Variants in PDLIM4 observed in about 807,000 individuals in gnomAD.
PDLIM4 encodes PDZ and LIM domain protein 4.
Under a neutral mutation model 31.3 loss-of-function variants are expected in PDLIM4, and 19 were observed. The observed-to-expected ratio is 0.61, with a 90% CI of 0.42 to 0.89. The LOEUF (loss-of-function observed/expected upper bound fraction) is 0.89. Ranked by LOEUF, PDLIM4 falls within the 40% of genes least tolerant of loss-of-function variation. The probability of loss-of-function intolerance (pLI) is 0.00; values close to 1 mark genes in which losing one functional copy is unlikely to be tolerated. For synonymous variants in PDLIM4, 176 were observed against 190.1 expected, an observed-to-expected ratio of 0.93 and a Z score of 0.61; for missense variants, 442 against 461.1, an observed-to-expected ratio of 0.96 and a Z score of 0.38.
intron 3 of PDLIM4, 65 bp downstream of exon 3, chr5:132,266,610 G>C: frequency 9.1e-7 from 1 of 1,093,980 alleles, no homozygotes; most frequent in Non-Finnish European, 1.4e-6. Context: ...GGGCCAGCAT[G>C]CAGGTTCACC....
At chr5:132,258,482 T>G (rs1356605643) in intron 1 of PDLIM4, among the ~76,000 whole-genome samples, 2 of 152,200 alleles carry the variant, frequency 1.3e-5, no homozygotes, top group African/African-American at 4.8e-5. Flanking sequence ...TCAGGCCCGT[T>G]CCTCAAGTTT....
intron 3 of PDLIM4, among the ~76,000 whole-genome samples, chr5:132,267,280 G>A (rs1756512305): frequency 6.6e-6 from 1 of 152,234 alleles, no homozygotes; most frequent in Non-Finnish European, 1.5e-5. Flanking sequence ...TCCTGGGCCT[G>A]CCTTTGTCCA....
At chr5:132,258,539 G>A (rs147505760) in intron 1 of PDLIM4, among the ~76,000 whole-genome samples, 38 of 152,312 alleles carry the variant, frequency 2.5e-4, no homozygotes, top group African/African-American at 9.1e-4. Context: ...AGCCGGCACA[G>A]CCCTGGAGCG....
intron 5 of PDLIM4, 46 bp from the exon 6 acceptor site, chr5:132,271,745 T>A (rs1756624090): frequency 7.6e-7 from 1 of 1,315,990 alleles, no homozygotes; most frequent in Non-Finnish European, 1.1e-6. Flanking sequence ...GAAATGGAGT[T>A]CTGACCTCCT....
At chr5:132,266,686 T>C (rs1756499275) in intron 3 of PDLIM4, 141 bp downstream of exon 3, 5 of 567,430 alleles carry the variant, frequency 8.8e-6, no homozygotes, top group Non-Finnish European at 1.6e-5. Flanking sequence ...AAGTTTTCTC[T>C]GGACCACATC....
At chr5:132,267,068 G>A (rs1756507636) in intron 3 of PDLIM4, among the ~76,000 whole-genome samples, 1 of 152,230 alleles carries the variant, frequency 6.6e-6, no homozygotes, top group Non-Finnish European at 1.5e-5. Context: ...TGTGATAGAA[G>A]TCATATCTCT....
intron 2 of PDLIM4, 27 bp downstream of exon 2, chr5:132,262,787 G>A: frequency 1.3e-6 from 2 of 1,592,404 alleles, no homozygotes; most frequent in Non-Finnish European, 1.7e-6. Context: ...TGGGCTGGGA[G>A]GATGGAAGGA....
Position 132,271,924 on chromosome 5 carries a change from C to A in PDLIM4, c.788+16C>A. 6.3e-7 allele frequency: 1 copy of A among 1,596,774 alleles called. No homozygotes were observed. The highest frequency in any genetic ancestry group is 8.6e-7 in the Non-Finnish European group (1 of 1,166,436). On this transcript the variant is annotated intron_variant, in intron 6 of 6. Transcript: ENST00000253754. ...ACGGCATCGTGTGAGTAACCGCCCC[C>A]GCTGCCCCTCCCGGACCCTAGCCTT...
chr5:132,269,434 C>T lies in PDLIM4; in HGVS notation c.328-1481C>T, dbSNP rs185893503. 2.0e-3 allele frequency among the ~76,000 whole-genome samples: 296 copies of T among 150,630 alleles called. 1 individual carries two copies. The highest frequency in any genetic ancestry group is 6.3e-3 in the African/African-American group (257 of 41,012). On this transcript the variant is annotated intron_variant, in intron 3 of 6. Transcript: ENST00000253754. ...TGCCCGACAGACACACGTGTGAGAG[C>T]GCTCACGTTTCTCAGGGGCTTTTGT...
At chr5:132,259,371 G>A (rs890622041) in intron 1 of PDLIM4, among the ~76,000 whole-genome samples, 4 of 152,124 alleles carry the variant, frequency 2.6e-5, no homozygotes, top group African/African-American at 4.8e-5. Context: ...GCCTCCACAC[G>A]TCACAGCTGC....
chr5:132,260,095 GA>G (rs2126670337), intron 1 of PDLIM4, among the ~76,000 whole-genome samples: 1 of 152,320 alleles, frequency 6.6e-6, no homozygotes, highest in South Asian at 2.1e-4. Context: ...TCAACCTAGA[GA>G]AGCAGAGTGG....
chr5:132,259,167 G>GTGTGTGTGTGTGTGTA (rs1756315789), intron 1 of PDLIM4, among the ~76,000 whole-genome samples: 1 of 148,708 alleles, frequency 6.7e-6, no homozygotes, highest in South Asian at 2.1e-4. Flanking sequence ...GTGTGTGTGT[G>GTGTGTGTGTGTGTGTA]TACGCAAGCC....
At position 132,272,441 on chromosome 5, in the gene PDLIM4, C is replaced by T; in HGVS notation, c.*212C>T. On this transcript the variant is annotated 3_prime_UTR_variant, in exon 7 of 7. Coordinates refer to ENST00000253754, the MANE Select transcript of PDLIM4 (RefSeq NM_003687.4). ...CCTAGGCTCTGGGTGCAGTAGTGAG[C>T]AGGACGGGTACCATGCTGCCCTGAA... The T allele has an allele frequency of 1.7e-6, 1 of 591,556 alleles. No individual in the cohort carries two copies. Among genetic ancestry groups the T allele is most frequent in the South Asian group, 1.9e-5 (1 of 51,392 alleles). The allele number at this position is 591,556 out of a possible 1,614,324, so 36.6% of individuals were successfully genotyped here.
chr5:132,268,112 C>T (rs974863240), intron 3 of PDLIM4, among the ~76,000 whole-genome samples: 4 of 152,174 alleles, frequency 2.6e-5, no homozygotes, highest in African/African-American at 9.7e-5. Flanking sequence ...CCTGCCCCCA[C>T]ACTTGTTCTC....
chr5:132,259,081 G>A (rs1756311289), intron 1 of PDLIM4, among the ~76,000 whole-genome samples: 1 of 152,014 alleles, frequency 6.6e-6, no homozygotes. Context: ...GCCGAGTGAG[G>A]TGGGCCTTCA....
chr5:132,262,404 C>G (rs1756393689), intron 1 of PDLIM4, among the ~76,000 whole-genome samples: 1 of 152,194 alleles, frequency 6.6e-6, no homozygotes, highest in Admixed American at 6.5e-5. Flanking sequence ...GCCAGGCCTC[C>G]AGGTGCTGGA....
In PDLIM4 at chr5:132,271,101, A is replaced by G; in HGVS notation, c.506+8A>G. The G allele has an allele frequency of 6.2e-7, 1 of 1,612,052 alleles. No homozygotes were observed. Among genetic ancestry groups the G allele is most frequent in the South Asian group, 1.1e-5 (1 of 90,988 alleles). ...TGTGTCTCCACCCCCCAGGTAGCAC[A>G]GAGATGCCTTCGGTGCCATGCCCAG... is the stretch of plus-strand genomic sequence containing the variant. On this transcript the variant is annotated splice_region_variant and intron_variant, in intron 4 of 6. Transcript: ENST00000253754.
At chr5:132,268,577 G>A (rs1200710166) in intron 3 of PDLIM4, among the ~76,000 whole-genome samples, 2 of 152,208 alleles carry the variant, frequency 1.3e-5, no homozygotes, top group Non-Finnish European at 2.9e-5. Flanking sequence ...CAGGGTGGAG[G>A]AAGGATAGTA....
chr5:132,264,542 C>G (rs1184485579), intron 2 of PDLIM4, among the ~76,000 whole-genome samples: 1 of 152,138 alleles, frequency 6.6e-6, no homozygotes, highest in Non-Finnish European at 1.5e-5. Flanking sequence ...TGATGATGTA[C>G]CAGGCCTGCT....
Sources: gnomAD v4.1 joint callset for allele counts (sites outside exome capture counted in the v4.1 genomes callset) on GRCh38, gnomAD v4.1.1 for gene constraint, MANE v1.5 for transcripts, NCBI Gene and HGNC (gene_info 2026-07-23, HGNC 2026-07-21) for gene names.